MTMR14: variants seen among roughly 807,000 people sequenced by gnomAD.
The protein encoded by MTMR14 is phosphatidylinositol-3,5-bisphosphate 3-phosphatase MTMR14.
A neutral mutation model predicts 86.3 loss-of-function variants in MTMR14; 48 were observed. The ratio of observed to expected loss-of-function variants is 0.56; its 90% CI spans 0.44 to 0.71. The LOEUF (loss-of-function observed/expected upper bound fraction) is 0.71. Among genes scored for constraint, MTMR14 ranks in the 30% least tolerant of loss-of-function variants. The pLI is 0.00. For missense variants in MTMR14, 780 were observed against 834.6 expected, an observed-to-expected ratio of 0.93 and a Z score of 0.81; for synonymous variants, 366 against 326.1, an observed-to-expected ratio of 1.12 and a Z score of -1.32.
In MTMR14 at chr3:9,684,662, TTGTGGGC is replaced by T. The variant is rs2075877553; in HGVS notation, c.1047_1050+3del. ...CTTCATCTCCCTCCTGCGCCTTTCC[TTGTGGGC>T]TGTGAGTATGAATCGGCCCCTACCA... On this transcript the variant is annotated frameshift_variant and splice_region_variant, in exon 11 of 19. Transcript: ENST00000296003. LOFTEE classifies it high-confidence loss of function. 6.2e-7 allele frequency: 1 copy of T among 1,614,016 alleles called. No individual in the cohort carries two copies. The highest frequency in any genetic ancestry group is 1.7e-5 in the Admixed American group (1 of 59,996).
chr3:9,668,871 GC>G, intron 4 of MTMR14, 77 bp downstream of exon 4: 1 of 1,449,260 alleles, frequency 6.9e-7, no homozygotes, highest in Non-Finnish European at 9.7e-7. Context: ...CGGGCGCCAT[GC>G]CTCACGCCTG....
At chr3:9,690,515 A>G (rs1372736347) in intron 17 of MTMR14, among the ~76,000 whole-genome samples, 1 of 152,190 alleles carries the variant, frequency 6.6e-6, no homozygotes, top group Non-Finnish European at 1.5e-5. Flanking sequence ...TCCCACATCT[A>G]AAGTCTGAAT....
At position 9,690,044 on chromosome 3, in the gene MTMR14, A is replaced by G. The variant is rs2076090216; in HGVS notation, c.1514A>G (p.Gln505Arg). 1.2e-6 allele frequency: 2 copies of G among 1,612,900 alleles called. No homozygotes were observed. The highest frequency in any genetic ancestry group is 1.7e-6 in the Non-Finnish European group (2 of 1,179,982). The part of the protein sequence containing the change: ...QPSEDRLPSQ[Q>R]GLAEARSSSS... ...TCAGAGGACCGCTTGCCTTCCCAGC[A>G]GGGGCTGGCGGAAGCCAGGTCTTCC... The change falls in exon 17 of 19, where the codon CAG (glutamine) becomes CGG (arginine). Residue 505 changes from glutamine to arginine, a missense_variant. Gln to Arg is a conservative substitution (Grantham distance 43). Transcript: ENST00000296003.
chr3:9,668,127 CAG>C (rs1416348216), intron 3 of MTMR14, among the ~76,000 whole-genome samples: 1 of 152,164 alleles, frequency 6.6e-6, no homozygotes, highest in African/African-American at 2.4e-5. Context: ...ATTCTCTTAA[CAG>C]TGATCCCTTC....
At chr3:9,659,443 T>TC (rs1652433568) in intron 2 of MTMR14, among the ~76,000 whole-genome samples, 1 of 146,100 alleles carries the variant, frequency 6.8e-6, no homozygotes, top group Admixed American at 6.7e-5. Flanking sequence ...CTGAATTGGT[T>TC]CTTTTTTTTT....
rs1204151366 is a variant in MTMR14 at position 9,683,179 on chromosome 3, G to C, written c.899G>C (p.Cys300Ser). The stretch of plus-strand genomic sequence containing the variant: ...TTTCTTCTCACTTTTCTCCAACAGT[G>C]TTGGGATCTGGTGCAACAAACACAA... ...SLNIDWSQYQ[C>S]WDLVQQTQNY... Residue 300 changes from cysteine (C) to serine (S), a missense_variant and splice_region_variant, in exon 10 of 19, where the codon TGT becomes TCT. Physicochemically the swap from Cys to Ser is moderately radical, Grantham distance 112. Transcript: ENST00000296003. 7.4e-6 allele frequency: 12 copies of C among 1,613,922 alleles called. No homozygotes were observed. The highest frequency in any genetic ancestry group is 8.5e-6 in the Non-Finnish European group (10 of 1,179,914).
chr3:9,651,982 C>T (rs1405910931), intron 1 of MTMR14, among the ~76,000 whole-genome samples: 4 of 152,188 alleles, frequency 2.6e-5, no homozygotes, highest in Non-Finnish European at 4.4e-5. Context: ...CAGGCGCCCG[C>T]CACCATGCCC....
chr3:9,650,092 A>G (rs906608495), intron 1 of MTMR14, among the ~76,000 whole-genome samples: 2 of 152,084 alleles, frequency 1.3e-5, no homozygotes, highest in Admixed American at 6.5e-5. Flanking sequence ...TGTGTCAGGG[A>G]AAAAGCCCCA....
chr3:9,657,470 C>G (rs982113516), intron 2 of MTMR14, among the ~76,000 whole-genome samples: 1 of 152,074 alleles, frequency 6.6e-6, no homozygotes, highest in East Asian at 1.9e-4. Flanking sequence ...TTGAGTACCT[C>G]TGTTTGGCAG....
Position 9,651,114 on chromosome 3 carries a change from TG to T in MTMR14, c.159+1373del, listed in dbSNP as rs563399860. 2.8e-3 allele frequency among the ~76,000 whole-genome samples: 421 copies of T among 151,776 alleles called. 4 individuals are homozygous for T. Among genetic ancestry groups the T allele is most frequent in the Middle Eastern group, 6.8e-3 (2 of 292 alleles). ...TTTTTGTTTGTTTGTTTTTGTTTTT[TG>T]TGTTGAGACAGGGTCTCGCTCTGCT... On this transcript the variant is annotated intron_variant, in intron 1 of 18. Transcript: ENST00000296003.
chr3:9,685,171 T>G (rs376294561), intron 12 of MTMR14, 40 bp from the exon 13 acceptor site: 2 of 1,614,058 alleles, frequency 1.2e-6, no homozygotes, highest in South Asian at 2.2e-5. Context: ...CTTGTCATCT[T>G]GGTGCTGCTG....
rs372082357 is a variant in MTMR14, at chr3:9,662,259, T to A, written c.309-8T>A. On this transcript the variant is annotated splice_region_variant and splice_polypyrimidine_tract_variant and intron_variant, in intron 2 of 18. Coordinates refer to ENST00000296003, the MANE Select transcript of MTMR14 (RefSeq NM_001077525.3). ...CAGCTTGACCTGCTTCTCTTGCCTG[T>A]GTGTTAGGTTTGAGAGTACCGTACA... 3.7e-6 allele frequency: 6 copies of A among 1,611,734 alleles called. No homozygotes were observed. The highest frequency in any genetic ancestry group is 4.2e-6 in the Non-Finnish European group (5 of 1,179,000).
chr3:9,669,167 C>A (rs1316002131), intron 4 of MTMR14, among the ~76,000 whole-genome samples: 1 of 151,924 alleles, frequency 6.6e-6, no homozygotes, highest in Non-Finnish European at 1.5e-5. Context: ...AATAGCCACC[C>A]ATGACCACAA....
At chr3:9,688,845 G>A (rs1174518674) in intron 15 of MTMR14, 91 bp downstream of exon 15, 4 of 1,374,726 alleles carry the variant, frequency 2.9e-6, no homozygotes, top group Middle Eastern at 3.7e-4. Flanking sequence ...GAGGTTTTTT[G>A]TTTTTTTTTT....
At chr3:9,684,525 C>T (rs2075871328) in intron 10 of MTMR14, 60 bp from the exon 11 acceptor site, 1 of 1,553,190 alleles carries the variant, frequency 6.4e-7, no homozygotes, top group Non-Finnish European at 8.9e-7. Flanking sequence ...GTGGTACTTC[C>T]TGCTCATCGG....
chr3:9,650,785 CTT>C (rs111650884), intron 1 of MTMR14, among the ~76,000 whole-genome samples: 7 of 139,822 alleles, frequency 5.0e-5, no homozygotes, highest in African/African-American at 5.2e-5. Context: ...CTGGAATTTG[CTT>C]TTTTTTTTTT....
intron 9 of MTMR14, among the ~76,000 whole-genome samples, chr3:9,678,844 C>T (rs529574075): frequency 1.3e-5 from 2 of 152,348 alleles, no homozygotes; most frequent in South Asian, 4.1e-4. Context: ...TAGAGATCTG[C>T]TTCCCTGAAA....
chr3:9,673,627 T>G lies in MTMR14; in HGVS notation c.751+869T>G, dbSNP rs144330286. ...CCTCAATATTGGGGCCACATAGCCA[T>G]GAGCAAGGGCAGGCAGGTTCATCTA... On this transcript the variant is annotated intron_variant, in intron 7 of 18. Coordinates refer to ENST00000296003, the MANE Select transcript of MTMR14 (RefSeq NM_001077525.3). Among the ~76,000 whole-genome samples the G allele has an allele frequency of 2.0e-3, 310 of 152,256 alleles. 3 individuals are homozygous for G. The highest frequency in any genetic ancestry group is 7.3e-3 in the African/African-American group (302 of 41,516).
At chr3:9,655,486 C>CA (rs2047545009) in intron 2 of MTMR14, among the ~76,000 whole-genome samples, 2 of 20,766 alleles carry the variant, frequency 9.6e-5, no homozygotes. Context: ...TTTTTTGAGA[C>CA]AGAGTGCTCT....
Sources: gnomAD v4.1 joint callset for allele counts (sites outside exome capture counted in the v4.1 genomes callset) on GRCh38, gnomAD v4.1.1 for gene constraint, MANE v1.5 for transcripts, NCBI Gene and HGNC (gene_info 2026-07-23, HGNC 2026-07-21) for gene names.